ZNF337: variants seen among roughly 807,000 people sequenced by gnomAD.
ZNF337 encodes zinc finger protein 337.
A neutral mutation model predicts 12.1 loss-of-function variants in ZNF337; 8 were observed. That is an observed-to-expected ratio of 0.66 (90% CI 0.39 to 1.19). The LOEUF (loss-of-function observed/expected upper bound fraction) is 1.19, where lower values mean the gene tolerates loss of function less well. ZNF337 is among the 50% of genes most tolerant of loss of function. The pLI, the probability that ZNF337 is intolerant of heterozygous loss-of-function variation, is 0.01. For synonymous variants in ZNF337, 336 were observed against 320.0 expected (o/e 1.05, Z -0.53); for missense variants, 882 against 896.6 (o/e 0.98, Z 0.21).
chr20:25,696,819 G>A lies in ZNF337; in HGVS notation c.-110C>T, dbSNP rs1600458659. The A allele has an allele frequency of 2.0e-6, 2 of 985,384 alleles. No individual in the cohort carries two copies. The highest frequency in any genetic ancestry group is 1.7e-5 in the African/African-American group (1 of 57,256). The allele number at this position is 985,384 out of a possible 1,614,324, so 61.0% of individuals were successfully genotyped here. A position where few individuals can be genotyped will look rare whatever the true frequency, so the allele number is the denominator to read the frequency against. The stretch of plus-strand genomic sequence containing the variant: ...ACCGATGGTGGACCACGCATCTCAC[G>A]GCTCGCTGACGCCCAGGGATCTGGA... On this transcript the variant is annotated 5_prime_UTR_variant, in exon 1 of 5. Coordinates refer to ENST00000252979, the MANE Select transcript of ZNF337 (RefSeq NM_015655.4).
chr20:25,691,307 AAG>A (rs1256277210), intron 1 of ZNF337, among the ~76,000 whole-genome samples: 1 of 152,214 alleles, frequency 6.6e-6, no homozygotes, highest in Non-Finnish European at 1.5e-5. Flanking sequence ...ACAGAGCCAA[AAG>A]AGTTATAAGG....
At position 25,675,095 on chromosome 20, in the gene ZNF337, G is replaced by A. The variant is rs757128563; in HGVS notation, c.2193C>T (p.His731=). ...KFSNKSYYSK[H]LKRHLREKRF... ...GCTTCTCACGTAAGTGTCTCTTTAAGTGCTTACTGTAGTATGACTTATTGC... is the reference window on the plus strand; with the variant it reads ...GCTTCTCACGTAAGTGTCTCTTTAAATGCTTACTGTAGTATGACTTATTGC... Residue 731 remains histidine (H), a synonymous_variant, in exon 5 of 5, where the codon CAC becomes CAT. Coordinates refer to ENST00000252979, the MANE Select transcript of ZNF337 (RefSeq NM_015655.4). 1.2e-6 allele frequency: 2 copies of A among 1,614,142 alleles called. No homozygotes were observed. Among genetic ancestry groups the A allele is most frequent in the Non-Finnish European group, 1.7e-6 (2 of 1,180,030 alleles).
At chr20:25,678,929 C>G (rs1027659385) in intron 4 of ZNF337, among the ~76,000 whole-genome samples, 5 of 152,094 alleles carry the variant, frequency 3.3e-5, no homozygotes, top group African/African-American at 1.2e-4. Flanking sequence ...GTGGACAGAG[C>G]AAGACCCTGT....
chr20:25,683,067 A>T (rs1009270916), intron 4 of ZNF337, among the ~76,000 whole-genome samples: 1 of 152,202 alleles, frequency 6.6e-6, no homozygotes, highest in Non-Finnish European at 1.5e-5. Context: ...TATCATTGTC[A>T]TAAGCAGAAA....
chr20:25,675,043 C>G lies in ZNF337; in HGVS notation c.2245G>C (p.Ala749Pro). The change falls in exon 5 of 5, where the codon GCT becomes CCT. Residue 749 changes from alanine to proline, a missense_variant. Transcript: ENST00000252979. ...GGTGAGATATAACTTCAAGATGAAGCCTCACCCACACTCCCTGTACAAAAA... is the reference window on the plus strand; with the variant it reads ...GGTGAGATATAACTTCAAGATGAAGGCTCACCCACACTCCCTGTACAAAAA... ...KRFCTGSVGE[A>P]SS is the part of the protein sequence containing the mutation. 6.2e-7 allele frequency: 1 copy of G among 1,612,544 alleles called. No homozygotes were observed. The highest frequency in any genetic ancestry group is 8.5e-7 in the Non-Finnish European group (1 of 1,179,172).
Position 25,685,981 on chromosome 20 carries a change from G to A in ZNF337, c.154+15C>T, listed in dbSNP as rs923100570. On this transcript the variant is annotated intron_variant, in intron 3 of 4. Coordinates refer to ENST00000252979, the MANE Select transcript of ZNF337 (RefSeq NM_015655.4). ...CCACAGGCCAAATGTTAGGCTCGAGGGAAGCCACGCTTACCTAGTGAGACC... is the reference window on the plus strand; with the variant it reads ...CCACAGGCCAAATGTTAGGCTCGAGAGAAGCCACGCTTACCTAGTGAGACC... 1.9e-6 allele frequency: 3 copies of A among 1,602,000 alleles called. No individual in the cohort carries two copies. The highest frequency in any genetic ancestry group is 2.5e-6 in the Non-Finnish European group (3 of 1,176,576).
rs1464925371 is a variant in ZNF337 at position 25,675,266 on chromosome 20, G to A, written c.2022C>T (p.His674=). 1.2e-6 allele frequency: 2 copies of A among 1,614,038 alleles called. No homozygotes were observed. Among genetic ancestry groups the A allele is most frequent in the Admixed American group, 1.7e-5 (1 of 60,024 alleles). The change falls in exon 5 of 5, where the codon CAC becomes CAT. Residue 674 remains histidine (H), a synonymous_variant. Transcript: ENST00000252979. The part of the protein sequence containing the change: ...GFSWKRSLTR[H]HWRIHSKEKP... ...TCTCCTTTGAGTGTATCCGCCAGTG[G>A]TGTCTGGTGAGACTTCTCTTCCAGC...
Position 25,673,249 on chromosome 20 carries a change from C to A in ZNF337, c.*1783G>T, listed in dbSNP as rs2065637277. On this transcript the variant is annotated 3_prime_UTR_variant, in exon 5 of 5. Coordinates refer to ENST00000252979, the MANE Select transcript of ZNF337 (RefSeq NM_015655.4). Reference sequence around the variant, plus strand: ...GGAGCACAGAATTCTGGTGAACCCACAATGTGCAGTGAAACTCAAAATGAG... The same window carrying A: ...GGAGCACAGAATTCTGGTGAACCCAAAATGTGCAGTGAAACTCAAAATGAG... Among the ~76,000 whole-genome samples, 3 of 152,088 alleles carry A rather than the reference C, an allele frequency of 2.0e-5. No homozygotes were observed. The highest frequency in any genetic ancestry group is 2.9e-5 in the Non-Finnish European group (2 of 68,024).
intron 1 of ZNF337, among the ~76,000 whole-genome samples, chr20:25,693,278 T>C (rs771046987): frequency 6.6e-6 from 1 of 152,188 alleles, no homozygotes; most frequent in Non-Finnish European, 1.5e-5. Flanking sequence ...GGTTTCACCA[T>C]GTTGGCCAGG....
In ZNF337 at chr20:25,674,941, C is replaced by T. The variant is rs1214587936; in HGVS notation, c.*91G>A. The stretch of plus-strand genomic sequence containing the variant: ...ATTCTGTCTGCCTCTGTTATATCTT[C>T]ACGAACAAGTTATGCAGCCTCAACT... On this transcript the variant is annotated 3_prime_UTR_variant, in exon 5 of 5. Coordinates refer to ENST00000252979, the MANE Select transcript of ZNF337 (RefSeq NM_015655.4). 8 of 1,222,684 alleles carry T rather than the reference C, an allele frequency of 6.5e-6. No homozygotes were observed. In the African/African-American group the frequency reaches 1.1e-4, roughly 16 times the overall value. The allele number at this position is 1,222,684 out of a possible 1,614,324, so 75.7% of individuals were successfully genotyped here. A position where few individuals can be genotyped will look rare whatever the true frequency, so the allele number is the denominator to read the frequency against.
At chr20:25,690,755 AG>A (rs1277015223) in intron 1 of ZNF337, among the ~76,000 whole-genome samples, 3 of 152,218 alleles carry the variant, frequency 2.0e-5, no homozygotes, top group Non-Finnish European at 4.4e-5. Context: ...AAAAGCCACA[AG>A]CAAAGGTAAG....
chr20:25,696,665 C>A lies in ZNF337; in HGVS notation c.-50+94G>T, dbSNP rs567469300. 37 of 865,228 alleles carry A rather than the reference C, an allele frequency of 4.3e-5. No individual in the cohort carries two copies. In the South Asian group the frequency reaches 1.2e-3, roughly 28 times the overall value. The allele number at this position is 865,228 out of a possible 1,614,324, so 53.6% of individuals were successfully genotyped here. On this transcript the variant is annotated intron_variant, in intron 1 of 4. Coordinates refer to ENST00000252979, the MANE Select transcript of ZNF337 (RefSeq NM_015655.4). ...GGCCTGGAGGAGCGCGCGCTACGGCCCCAGCAGCGCCCTCACGTCCCAGGC... is the reference window on the plus strand; with the variant it reads ...GGCCTGGAGGAGCGCGCGCTACGGCACCAGCAGCGCCCTCACGTCCCAGGC...
Position 25,676,627 on chromosome 20 carries a change from A to G in ZNF337, c.661T>C (p.Ser221Pro). ...RECHQGFRDE[S>P]ALLLHQNTHT... is the part of the protein sequence containing the mutation. ...GTGTTCTGGTGCAAGAGCAATGCTG[A>G]CTCATCTCTAAAGCCCTGGTGACAC... The change falls in exon 5 of 5, where the codon TCA becomes CCA. Residue 221 changes from serine (S) to proline (P), a missense_variant. Ser to Pro is a moderately conservative substitution (Grantham distance 74). Coordinates refer to ENST00000252979, the MANE Select transcript of ZNF337 (RefSeq NM_015655.4). 1 of 1,614,056 alleles carries G rather than the reference A, an allele frequency of 6.2e-7. No individual in the cohort carries two copies. The highest frequency in any genetic ancestry group is 8.5e-7 in the Non-Finnish European group (1 of 1,179,994).
chr20:25,686,506 T>C lies in ZNF337; in HGVS notation c.-49-40A>G. The C allele has an allele frequency of 5.5e-6, 8 of 1,464,480 alleles. No individual in the cohort carries two copies. In the South Asian group the frequency reaches 8.4e-5, roughly 15 times the overall value. The allele number at this position is 1,464,480 out of a possible 1,614,324, so 90.7% of individuals were successfully genotyped here. ...AAGTCAGAGGGTGGCTGGGTGCAGC[T>C]GCCCTCCCCATGTGTGACAGTTGGT... On this transcript the variant is annotated intron_variant, in intron 1 of 4. Transcript: ENST00000252979.
At position 25,676,316 on chromosome 20, in the gene ZNF337, C is replaced by G. The variant is rs374486515; in HGVS notation, c.972G>C (p.Glu324Asp). 6 of 1,611,542 alleles carry G rather than the reference C, an allele frequency of 3.7e-6. No homozygotes were observed. In the African/African-American group the frequency reaches 4.1e-5, roughly 11 times the overall value. ...HSGEKPFVCK[E>D]CGRGYTNKSY... ...ACTTATTAGTATAGCCTCGCCCACA[C>G]TCCTTGCACACAAAAGGCTTCTCCC... Residue 324 changes from glutamate (E) to aspartate (D), a missense_variant, in exon 5 of 5, where the codon GAG (glutamate) becomes GAC (aspartate). Physicochemically the swap from Glu to Asp is conservative, Grantham distance 45 (BLOSUM62 2). Transcript: ENST00000252979.
chr20:25,694,981 A>G (rs542528483), intron 1 of ZNF337, among the ~76,000 whole-genome samples: 2 of 152,282 alleles, frequency 1.3e-5, no homozygotes, highest in East Asian at 3.9e-4. Flanking sequence ...TCTGGAAGAG[A>G]CAGCCAGCCT....
chr20:25,689,799 T>C (rs995276997), intron 1 of ZNF337, among the ~76,000 whole-genome samples: 3 of 152,198 alleles, frequency 2.0e-5, no homozygotes, highest in Non-Finnish European at 4.4e-5. Context: ...CCTATTACCA[T>C]CTCCCAATTT....
At position 25,674,796 on chromosome 20, in the gene ZNF337, C is replaced by T. The variant is rs974778742; in HGVS notation, c.*236G>A. 4.8e-5 allele frequency: 27 copies of T among 563,044 alleles called. No individual in the cohort carries two copies. Among genetic ancestry groups the T allele is most frequent in the Non-Finnish European group, 7.3e-5 (23 of 317,094 alleles). The allele number at this position is 563,044 out of a possible 1,614,324, so 34.9% of individuals were successfully genotyped here. ...TCAGTAGGAAAGAGACCACATTTCC[C>T]CAATAGCCCAGGTAATGCCCTCCCC... On this transcript the variant is annotated 3_prime_UTR_variant, in exon 5 of 5. Transcript: ENST00000252979.
chr20:25,683,229 A>AATCATC (rs3063022), intron 4 of ZNF337, among the ~76,000 whole-genome samples: 9,244 of 148,434 alleles, frequency 0.062, 329 homozygotes, highest in Non-Finnish European at 0.078. Context: ...TAGAGGTAAG[A>AATCATC]ATCATCATCA....
Sources: allele counts gnomAD v4.1 joint callset (sites outside exome capture counted in the v4.1 genomes callset), GRCh38; gene constraint gnomAD v4.1.1; transcripts MANE v1.5; gene names NCBI Gene and HGNC (gene_info 2026-07-23, HGNC 2026-07-21).